The following RFX7 variants were observed in gnomAD, a reference collection of about 807,000 sequenced individuals.
The protein encoded by RFX7 is DNA-binding protein RFX7.
A neutral mutation model predicts 111.8 loss-of-function variants in RFX7; 26 were observed. That is an observed-to-expected ratio of 0.23 (90% CI 0.17 to 0.32). RFX7 has a LOEUF of 0.32. RFX7 is among the 10% of genes least tolerant of loss of function. The pLI is 1.00. For missense variants in RFX7, 1,573 were observed against 1,772.9 expected, an observed-to-expected ratio of 0.89 and a Z score of 2.02; for synonymous variants, 624 against 624.4, an observed-to-expected ratio of 1.00 and a Z score of 0.01.
intron 2 of RFX7, among the ~76,000 whole-genome samples, chr15:56,216,980 T>A (rs1422567288): frequency 1.3e-5 from 2 of 152,154 alleles, no homozygotes; most frequent in Non-Finnish European, 2.9e-5. Context: ...GAGGTATATT[T>A]TTAATTGCCA....
intron 2 of RFX7, among the ~76,000 whole-genome samples, chr15:56,182,313 AAAATTG>A (rs2042983223): frequency 1.3e-5 from 2 of 152,216 alleles, no homozygotes; most frequent in East Asian, 3.9e-4. Context: ...AGTTATAAAG[AAAATTG>A]AAAGCCCTTC....
rs1475057722 is a variant in RFX7, at chr15:56,182,625, TAATTC to T, written c.162-3327_162-3323del. Among the ~76,000 whole-genome samples the T allele has an allele frequency of 2.0e-5, 3 of 152,324 alleles. No individual in the cohort carries two copies. In the East Asian group the frequency reaches 5.8e-4, roughly 29 times the overall value. ...CACACTGTACTTTTCTACAATTTTTTAATTCAACATTGTTTTTGAGATCCATCCAT... is the reference window on the plus strand; with the variant it reads ...CACACTGTACTTTTCTACAATTTTTTAACATTGTTTTTGAGATCCATCCAT... On this transcript the variant is annotated intron_variant, in intron 2 of 9. Coordinates refer to ENST00000559447, the MANE Select transcript of RFX7 (RefSeq NM_022841.7).
chr15:56,134,596 CTTT>C (rs71706654), intron 5 of RFX7, among the ~76,000 whole-genome samples: 113 of 132,676 alleles, frequency 8.5e-4, no homozygotes, highest in African/African-American at 1.6e-3. Flanking sequence ...AAATCACTTT[CTTT>C]TTTTTTTTTT....
At chr15:56,121,674 G>A (rs1244911389) in intron 5 of RFX7, among the ~76,000 whole-genome samples, 2 of 151,980 alleles carry the variant, frequency 1.3e-5, no homozygotes, top group Non-Finnish European at 2.9e-5. Flanking sequence ...TTTGGCTTTT[G>A]GAGGCTATTT....
At chr15:56,148,653 A>G (rs2042520491) in intron 3 of RFX7, among the ~76,000 whole-genome samples, 1 of 152,216 alleles carries the variant, frequency 6.6e-6, no homozygotes, top group Non-Finnish European at 1.5e-5. Context: ...GTAGAGGTGA[A>G]GAAAACATGG....
chr15:56,120,965 GTAGT>G (rs1275505173), intron 5 of RFX7, among the ~76,000 whole-genome samples: 1 of 152,150 alleles, frequency 6.6e-6, no homozygotes, highest in Non-Finnish European at 1.5e-5. Context: ...GAAAAGTTGT[GTAGT>G]TATTGTTTTT....
Position 56,094,136 on chromosome 15 carries a change from T to A in RFX7, c.3592A>T (p.Ser1198Cys). The A allele has an allele frequency of 6.2e-7, 1 of 1,613,968 alleles. No individual in the cohort carries two copies. The highest frequency in any genetic ancestry group is 8.5e-7 in the Non-Finnish European group (1 of 1,179,876). The change falls in exon 10 of 10, where the codon AGT becomes TGT. Residue 1198 changes from serine to cysteine, a missense_variant. Around this residue, in one of 7 missense-constraint regions of RFX7, gnomAD observed 411 missense variants for 478.1 expected, o/e 0.86. Coordinates refer to ENST00000559447, the MANE Select transcript of RFX7 (RefSeq NM_022841.7). ...ACATGAACTTCTGGGGTAACTGGAC[T>A]TCCAAAGGGGGTCACATTAGATCGT... ...IPRSNVTPFG[S>C]PVTPEVHVFT...
chr15:56,201,429 A>T (rs894925086), intron 2 of RFX7, among the ~76,000 whole-genome samples: 1 of 152,248 alleles, frequency 6.6e-6, no homozygotes, highest in Non-Finnish European at 1.5e-5. Flanking sequence ...CCAGCCTAAA[A>T]GCATTTCAAT....
At chr15:56,143,500 C>A (rs917735589) in intron 4 of RFX7, among the ~76,000 whole-genome samples, 1 of 151,992 alleles carries the variant, frequency 6.6e-6, no homozygotes, top group Admixed American at 6.6e-5. Flanking sequence ...AGCCAGGCCC[C>A]CTGCCTCAGC....
intron 3 of RFX7, among the ~76,000 whole-genome samples, chr15:56,151,269 A>C (rs1447084747): frequency 1.3e-5 from 2 of 152,198 alleles, no homozygotes; most frequent in Non-Finnish European, 2.9e-5. Flanking sequence ...AGATTCACCA[A>C]GGTTGAAATG....
intron 5 of RFX7, among the ~76,000 whole-genome samples, chr15:56,135,094 T>G (rs1290304603): frequency 6.6e-6 from 1 of 152,222 alleles, no homozygotes; most frequent in Non-Finnish European, 1.5e-5. Context: ...TGTGTCTTTA[T>G]AGCAGCAAGA....
At chr15:56,140,654 T>C (rs1339191055) in intron 5 of RFX7, among the ~76,000 whole-genome samples, 2 of 152,202 alleles carry the variant, frequency 1.3e-5, no homozygotes, top group African/African-American at 4.8e-5. Flanking sequence ...TTTATCTCTG[T>C]TGCTCTCTAC....
rs16976777 is a variant in RFX7 at position 56,145,546 on chromosome 15, A to G, written c.196-1063T>C. ...TCCCATGGCCTACAGGTATTTTCCA[A>G]TTGGCTCTTGCTCCAATACCTAATG... On this transcript the variant is annotated intron_variant, in intron 3 of 9. Transcript: ENST00000559447. Among the ~76,000 whole-genome samples, 171 of 152,312 alleles carry G rather than the reference A, an allele frequency of 1.1e-3. 1 individual carries two copies. In the East Asian group the frequency reaches 0.028, roughly 25 times the overall value.
chr15:56,095,227 T>C lies in RFX7; in HGVS notation c.2501A>G (p.Gln834Arg). 1.2e-6 allele frequency: 2 copies of C among 1,613,694 alleles called. No individual in the cohort carries two copies. Among genetic ancestry groups the C allele is most frequent in the Non-Finnish European group, 1.7e-6 (2 of 1,179,588 alleles). Residue 834 changes from glutamine (Q) to arginine (R), a missense_variant, in exon 10 of 10, where the codon CAG becomes CGG. Physicochemically the swap from Gln to Arg is conservative, Grantham distance 43. Transcript: ENST00000559447. ...AGATTCCTGTATCTGGCTATGTAGC[T>C]GCTGGCTATATGTGTCCTGTGGCAT... The part of the protein sequence containing the change: ...EGMPQDTYSQ[Q>R]LHSQIQESSL...
intron 2 of RFX7, among the ~76,000 whole-genome samples, chr15:56,234,754 G>T (rs1299812191): frequency 6.6e-6 from 1 of 152,074 alleles, no homozygotes; most frequent in African/African-American, 2.4e-5. Flanking sequence ...ATATTTTACT[G>T]TCATATTGTA....
At chr15:56,142,353 CT>C (rs775885928) in intron 5 of RFX7, among the ~76,000 whole-genome samples, 1 of 152,106 alleles carries the variant, frequency 6.6e-6, no homozygotes, top group African/African-American at 2.4e-5. Context: ...AATTAGAAGA[CT>C]TTTAGATTCA....
At chr15:56,100,435 A>C (rs2041737789) in intron 8 of RFX7, among the ~76,000 whole-genome samples, 1 of 152,192 alleles carries the variant, frequency 6.6e-6, no homozygotes, top group Non-Finnish European at 1.5e-5. Context: ...CATACATCCC[A>C]CATACTAAAT....
chr15:56,218,933 C>G (rs1425083141), intron 2 of RFX7, among the ~76,000 whole-genome samples: 2 of 151,996 alleles, frequency 1.3e-5, no homozygotes, highest in African/African-American at 4.8e-5. Flanking sequence ...TATATTACAA[C>G]AGTGAATAAA....
chr15:56,208,497 C>A (rs2043278401), intron 2 of RFX7, among the ~76,000 whole-genome samples: 1 of 152,150 alleles, frequency 6.6e-6, no homozygotes, highest in Admixed American at 6.5e-5. Flanking sequence ...CAGTAACTCG[C>A]ACCTGGTTAT....
Sources: gnomAD v4.1 joint callset for allele counts (sites outside exome capture counted in the v4.1 genomes callset) on GRCh38, gnomAD v4.1.1 for gene constraint, gnomAD v4.1.1 regional missense constraint, MANE v1.5 for transcripts, NCBI Gene and HGNC (gene_info 2026-07-23, HGNC 2026-07-21) for gene names.